The following STIM1 variants were observed in gnomAD, a reference collection of about 807,000 sequenced individuals.
The protein encoded by STIM1 is stromal interaction molecule 1.
In STIM1, 25 loss-of-function variants were observed where a neutral mutation model predicts 74.7. That is an observed-to-expected ratio of 0.33 (90% CI 0.24 to 0.47). The LOEUF is 0.47. Among genes scored for constraint, STIM1 ranks in the 20% least tolerant of loss-of-function variants. The pLI is 1.00. For synonymous variants in STIM1, 328 were observed against 348.8 expected (o/e 0.94, Z 0.66); for missense variants, 728 against 920.8 (o/e 0.79, Z 2.71).
At chr11:3,867,304 C>T (rs934090325) in intron 1 of STIM1, 2 of 152,196 alleles carry the variant, frequency 1.3e-5, no homozygotes, top group Non-Finnish European at 2.9e-5. Context: ...TTTTGTTTGC[C>T]ACAGCAATGA....
intron 2 of STIM1, among the ~76,000 whole-genome samples, chr11:4,015,924 A>G (rs2093892034): frequency 2.0e-5 from 3 of 152,024 alleles, no homozygotes; most frequent in Non-Finnish European, 4.4e-5. Context: ...TACACTGGTT[A>G]TTTTAGTTAG....
At chr11:3,889,368 ATT>A (rs35294046) in intron 1 of STIM1, among the ~76,000 whole-genome samples, 11,125 of 138,900 alleles carry the variant, frequency 0.08, 560 homozygotes, top group Middle Eastern at 0.16. Flanking sequence ...CAGATATTTA[ATT>A]TTTTTTTTTT....
intron 1 of STIM1, among the ~76,000 whole-genome samples, chr11:3,950,976 G>A (rs1354914983): frequency 6.6e-6 from 1 of 152,148 alleles, no homozygotes; most frequent in South Asian, 2.1e-4. Flanking sequence ...TAGAGGATGA[G>A]TTTGAAAGAA....
chr11:4,003,774 A>G (rs2093746987), intron 2 of STIM1, among the ~76,000 whole-genome samples: 1 of 152,202 alleles, frequency 6.6e-6, no homozygotes. Flanking sequence ...AGGGTATTCG[A>G]TTAGGAAAAG....
chr11:3,895,812 CCTTCCTTCTTTCTTT>C lies in STIM1; in HGVS notation c.139+39404_139+39418del, dbSNP rs1565105616. Among the ~76,000 whole-genome samples the C allele has an allele frequency of 2.9e-3, 293 of 100,802 alleles. 44 individuals carry two copies. The highest frequency in any genetic ancestry group is 7.4e-3 in the East Asian group (26 of 3,490). 66.1% of individuals were successfully genotyped at this position (100,802 alleles called of 152,430 possible). Reference sequence around the variant, plus strand: ...CCTTCCTTCCTTCCTTCCTTTCTTTCCTTCCTTCTTTCTTTTCTTTCTTTCTTTCTCTTTCTTTCT... The same window carrying C: ...CCTTCCTTCCTTCCTTCCTTTCTTTCTCTTTCTTTCTTTCTCTTTCTTTCT... On this transcript the variant is annotated intron_variant, in intron 1 of 12. Transcript: ENST00000526596.
chr11:3,944,525 C>T (rs935739501), intron 1 of STIM1, among the ~76,000 whole-genome samples: 2 of 152,182 alleles, frequency 1.3e-5, no homozygotes, highest in Admixed American at 6.5e-5. Context: ...TCAGAGAAAT[C>T]TACAGTTTTT....
intron 1 of STIM1, among the ~76,000 whole-genome samples, chr11:3,880,322 C>G (rs149167585): frequency 1.3e-5 from 2 of 152,168 alleles, no homozygotes; most frequent in Admixed American, 6.5e-5. Context: ...GGTTACTTCT[C>G]GTGTCTTGAT....
chr11:3,888,471 T>G (rs2091796902), intron 1 of STIM1, among the ~76,000 whole-genome samples: 1 of 152,114 alleles, frequency 6.6e-6, no homozygotes, highest in Non-Finnish European at 1.5e-5. Context: ...GGGTGGGTGG[T>G]CAGTTTAATA....
In STIM1 at chr11:4,022,252, T is replaced by C. The variant is rs189093041; in HGVS notation, c.271-1621T>C. Among the ~76,000 whole-genome samples, 460 of 150,386 alleles carry C rather than the reference T, an allele frequency of 3.1e-3. 14 individuals are homozygous for C. Among genetic ancestry groups the C allele is most frequent in the Admixed American group, 0.027 (403 of 14,936 alleles). On this transcript the variant is annotated intron_variant, in intron 2 of 12. Transcript: ENST00000526596. ...TGGGAGGCAGAGATGGAAGGATCTC[T>C]TGAGGCCCAGGAGGTGGAGGTTGCA... is the stretch of plus-strand genomic sequence containing the variant.
At chr11:3,888,854 C>T (rs952852652) in intron 1 of STIM1, among the ~76,000 whole-genome samples, 2 of 151,886 alleles carry the variant, frequency 1.3e-5, no homozygotes, top group Admixed American at 6.6e-5. Flanking sequence ...GCCCGGCCGC[C>T]GTGTAGTCTT....
At chr11:3,854,768 G>A, upstream of STIM1, 1 of 152,466 alleles carries the variant, frequency 6.6e-6, no homozygotes, top group Non-Finnish European at 1.5e-5. Flanking sequence ...GCTAAGGGAG[G>A]GCATCCCACT....
intron 2 of STIM1, among the ~76,000 whole-genome samples, chr11:4,016,961 C>G (rs2093904233): frequency 1.3e-5 from 2 of 152,218 alleles, no homozygotes; most frequent in South Asian, 4.1e-4. Flanking sequence ...CACTGTTCCA[C>G]CAGGTAGAGT....
intron 3 of STIM1, among the ~76,000 whole-genome samples, chr11:4,045,762 CTTTTTTTTTTTT>C (rs35939527): frequency 2.9e-5 from 3 of 104,488 alleles, no homozygotes; most frequent in African/African-American, 3.4e-5. Context: ...CTCAACACTT[CTTTTTTTTTTTT>C]TTTTTTTTTG....
chr11:4,047,341 C>A (rs929680530), intron 3 of STIM1, among the ~76,000 whole-genome samples: 6 of 152,042 alleles, frequency 3.9e-5, no homozygotes, highest in Non-Finnish European at 5.9e-5. Flanking sequence ...TTTGACCAGG[C>A]ACAGTAGCTC....
rs1590703825 is a variant in STIM1 at position 4,091,885 on chromosome 11, C to T, written c.*87C>T. Reference sequence around the variant, plus strand: ...CCTCCCTTCCTTCAAGATAACTGGCCCCAAGAGTGGGGCATGGGAAGGGCT... The same window carrying T: ...CCTCCCTTCCTTCAAGATAACTGGCTCCAAGAGTGGGGCATGGGAAGGGCT... On this transcript the variant is annotated 3_prime_UTR_variant, in exon 13 of 13. Transcript: ENST00000526596. 6.4e-7 allele frequency: 1 copy of T among 1,563,952 alleles called. No homozygotes were observed. The highest frequency in any genetic ancestry group is 8.6e-7 in the Non-Finnish European group (1 of 1,156,722).
chr11:4,059,486 T>C, intron 5 of STIM1, 90 bp downstream of exon 5: 1 of 991,218 alleles, frequency 1.0e-6, no homozygotes, highest in South Asian at 1.3e-5. Flanking sequence ...CTGGGTCTCC[T>C]AGGCACACCT....
At chr11:3,906,141 T>C (rs1565110254) in intron 1 of STIM1, among the ~76,000 whole-genome samples, 1 of 152,270 alleles carries the variant, frequency 6.6e-6, no homozygotes, top group Non-Finnish European at 1.5e-5. Context: ...GAGGGGCTTA[T>C]CCTTTTTGAC....
chr11:4,000,078 C>T (rs764328112), intron 2 of STIM1, among the ~76,000 whole-genome samples: 249 of 152,172 alleles, frequency 1.6e-3, no homozygotes, highest in Non-Finnish European at 2.8e-3. Flanking sequence ...ACAAAGCAGC[C>T]GGGAAGCTTG....
chr11:4,022,539 G>GTCTC (rs1565151609), intron 2 of STIM1, among the ~76,000 whole-genome samples: 1 of 151,906 alleles, frequency 6.6e-6, no homozygotes, highest in African/African-American at 2.4e-5. Flanking sequence ...AGGCATCCTT[G>GTCTC]TCTCGTTCCA....
Sources: gnomAD v4.1 joint callset for allele counts (sites outside exome capture counted in the v4.1 genomes callset) on GRCh38, gnomAD v4.1.1 for gene constraint, MANE v1.5 for transcripts, NCBI Gene and HGNC (gene_info 2026-07-23, HGNC 2026-07-21) for gene names.